The following RPAIN variants were observed in gnomAD, a reference collection of about 807,000 sequenced individuals.
RPAIN encodes RPA interacting protein.
In RPAIN, 29 loss-of-function variants were observed where a neutral mutation model predicts 30.5. The observed-to-expected ratio is 0.95, with a 90% CI of 0.71 to 1.30. The LOEUF (loss-of-function observed/expected upper bound fraction) is 1.30. Among genes scored for constraint, RPAIN ranks in the 50% most tolerant of loss-of-function variants. The probability of loss-of-function intolerance (pLI) is 0.00; values close to 1 mark genes in which losing one functional copy is unlikely to be tolerated. For missense variants in RPAIN, 247 were observed against 264.7 expected, an observed-to-expected ratio of 0.93 and a Z score of 0.46; for synonymous variants, 101 against 93.5, an observed-to-expected ratio of 1.08 and a Z score of -0.46.
chr17:5,432,558 C>T lies in RPAIN; in HGVS notation c.647C>T (p.Ala216Val). Residue 216 changes from alanine (A) to valine (V), a missense_variant, in exon 7 of 7, where the codon GCT becomes GTT. Physicochemically the swap from Ala to Val is moderately conservative, Grantham distance 64 (BLOSUM62 0). Coordinates refer to ENST00000381209, the MANE Select transcript of RPAIN (RefSeq NM_001033002.4). ...TAAACCTAGGCCTGTGATACTTGGG[C>T]TGTGATCCTCTAGAGCCAGCTTGGA... ...LMSCLACDTW[A>V]VIL The T allele has an allele frequency of 6.2e-7, 1 of 1,613,970 alleles. No homozygotes were observed. Among genetic ancestry groups the T allele is most frequent in the South Asian group, 1.1e-5 (1 of 91,086 alleles).
intron 3 of RPAIN, among the ~76,000 whole-genome samples, chr17:5,423,242 G>A (rs1915049171): frequency 6.6e-6 from 1 of 151,954 alleles, no homozygotes; most frequent in Non-Finnish European, 1.5e-5. Flanking sequence ...GAGGGTGGTG[G>A]CTTATGCCTG....
intron 5 of RPAIN, 74 bp downstream of exon 5, chr17:5,426,373 T>C (rs1915393899): frequency 7.8e-7 from 1 of 1,273,944 alleles, no homozygotes; most frequent in African/African-American, 1.5e-5. Context: ...CCTCCAGTGC[T>C]GACTTGGAGC....
At chr17:5,432,485 G>C in intron 6 of RPAIN, 57 bp from the exon 7 acceptor site, 1 of 1,490,888 alleles carries the variant, frequency 6.7e-7, no homozygotes, top group Non-Finnish European at 9.4e-7. Flanking sequence ...ACTTTTATCA[G>C]ATATCTTTCA....
chr17:5,421,657 C>T (rs1914853784), intron 2 of RPAIN, 191 bp downstream of exon 2: 1 of 484,574 alleles, frequency 2.1e-6, no homozygotes. Context: ...TCTGAAATAC[C>T]AGACCGTAGA....
chr17:5,431,528 C>CT (rs1375027836), intron 6 of RPAIN: 3 of 436,322 alleles, frequency 6.9e-6, no homozygotes, highest in Non-Finnish European at 1.3e-5. Context: ...AAATTGTATT[C>CT]TGTAGGTCTT....
intron 6 of RPAIN, 79 bp downstream of exon 6, chr17:5,428,290 C>T: frequency 6.2e-7 from 1 of 1,605,764 alleles, no homozygotes; most frequent in Middle Eastern, 1.7e-4. Context: ...GAAATAATGA[C>T]CTATAAACAG....
chr17:5,430,101 G>C (rs1354283906), intron 6 of RPAIN: 1 of 152,908 alleles, frequency 6.5e-6, no homozygotes, highest in African/African-American at 2.4e-5. Flanking sequence ...CCGGGAGGCG[G>C]AGGTTGCAGT....
At chr17:5,428,857 G>T (rs1422186137) in intron 6 of RPAIN, 2 of 986,924 alleles carry the variant, frequency 2.0e-6, no homozygotes, top group Non-Finnish European at 2.4e-6. Flanking sequence ...GGCAGGGGGA[G>T]CCTTGGGATT....
At chr17:5,431,325 A>G (rs1449786095) in intron 6 of RPAIN, 2 of 389,178 alleles carry the variant, frequency 5.1e-6, no homozygotes, top group East Asian at 1.5e-4. Context: ...TGTCTCTACT[A>G]AAAATACAGA....
chr17:5,423,933 A>AT (rs200628058), intron 3 of RPAIN, among the ~76,000 whole-genome samples: 9,063 of 144,322 alleles, frequency 0.063, 315 homozygotes, highest in Middle Eastern at 0.086. Context: ...TTTTTTATTA[A>AT]TTTTTTTTTT....
chr17:5,420,400 G>C, intron 1 of RPAIN, 109 bp downstream of exon 1: 1 of 942,102 alleles, frequency 1.1e-6, no homozygotes, highest in Non-Finnish European at 1.6e-6. Context: ...CAGCGCGCCT[G>C]GTCTGGTCAA....
rs202207165 is a variant in RPAIN at position 5,424,753 on chromosome 17, A to G, written c.314-1218A>G. On this transcript the variant is annotated intron_variant, in intron 3 of 6. Transcript: ENST00000381209. The stretch of plus-strand genomic sequence containing the variant: ...AGGAATTTAAAATAGCATTTGACAC[A>G]TAAGTGCCATGCAAGTGTTAGTTGT... Among the ~76,000 whole-genome samples, 22 of 152,366 alleles carry G rather than the reference A, an allele frequency of 1.4e-4. No individual in the cohort carries two copies. In the East Asian group the frequency reaches 4.2e-3, roughly 29 times the overall value.
At chr17:5,431,213 A>T (rs893222476) in intron 6 of RPAIN, 1 of 338,234 alleles carries the variant, frequency 3.0e-6, no homozygotes, top group African/African-American at 2.2e-5. Context: ...ACAGCCAGGC[A>T]CTGTGGTTCA....
intron 6 of RPAIN, chr17:5,432,057 G>A (rs773938167): frequency 1.9e-5 from 4 of 215,776 alleles, no homozygotes; most frequent in African/African-American, 4.7e-5. Context: ...CCCAGGAGTC[G>A]GGAGGCAGTT....
At chr17:5,429,748 T>C in intron 6 of RPAIN, 13 of 985,526 alleles carry the variant, frequency 1.3e-5, no homozygotes, top group Non-Finnish European at 1.6e-5. Context: ...CTCTGTGCTG[T>C]TGTTTAGGCT....
intron 3 of RPAIN, among the ~76,000 whole-genome samples, chr17:5,423,349 T>TA (rs57082873): frequency 0.021 from 2,731 of 127,140 alleles, 35 homozygotes; most frequent in Middle Eastern, 0.037. Context: ...TCTACAGAAG[T>TA]AAAAAAAAAA....
chr17:5,421,297 G>A lies in RPAIN; in HGVS notation c.83G>A (p.Arg28Lys), dbSNP rs746208150. ...CCCAATCTTGCTCTTTTTTCCCAGA[G>A]ATGCCTGGAGAGAATGAGAAACAGC... Reference protein sequence around the residue: ...SPPWKEAFRQRCLERMRNSRD... With the variant: ...SPPWKEAFRQKCLERMRNSRD... The change falls in exon 2 of 7, where the codon AGA becomes AAA. Residue 28 changes from arginine (R) to lysine (K), a missense_variant and splice_region_variant. Arg to Lys is a conservative substitution (Grantham distance 26, BLOSUM62 2). Transcript: ENST00000381209. 5.0e-6 allele frequency: 8 copies of A among 1,584,756 alleles called. No homozygotes were observed. The highest frequency in any genetic ancestry group is 6.8e-6 in the Non-Finnish European group (8 of 1,168,276).
chr17:5,420,344 G>A (rs1373022892), intron 1 of RPAIN, 53 bp downstream of exon 1: 7 of 1,501,268 alleles, frequency 4.7e-6, no homozygotes, highest in Non-Finnish European at 6.4e-6. Context: ...GGTGACCGCC[G>A]TCTTCCCTGC....
chr17:5,420,433 G>T, intron 1 of RPAIN, 142 bp downstream of exon 1: 1 of 665,906 alleles, frequency 1.5e-6, no homozygotes, highest in South Asian at 1.9e-5. Flanking sequence ...TGACTGTAGA[G>T]TGTGGGATTA....
Sources: gnomAD v4.1 joint callset for allele counts (sites outside exome capture counted in the v4.1 genomes callset) on GRCh38, gnomAD v4.1.1 for gene constraint, MANE v1.5 for transcripts, NCBI Gene and HGNC (gene_info 2026-07-23, HGNC 2026-07-21) for gene names.